Variants in TENM2 observed in about 807,000 individuals in gnomAD.
The protein encoded by TENM2 is teneurin transmembrane protein 2.
Under a neutral mutation model 245.2 loss-of-function variants are expected in TENM2, and 52 were observed. The ratio of observed to expected loss-of-function variants is 0.21; its 90% CI spans 0.17 to 0.27. The LOEUF (loss-of-function observed/expected upper bound fraction) is 0.27. TENM2 is among the 10% of genes least tolerant of loss of function. The pLI is 1.00. For synonymous variants in TENM2, 1,363 were observed against 1,438.9 expected, an observed-to-expected ratio of 0.95 and a Z score of 1.19; for missense variants, 3,046 against 3,666.8, an observed-to-expected ratio of 0.83 and a Z score of 4.37.
chr5:167,915,514 A>G (rs918238926), intron 3 of TENM2, among the ~76,000 whole-genome samples: 1 of 152,122 alleles, frequency 6.6e-6, no homozygotes, highest in African/African-American at 2.4e-5. Context: ...TTCAGCTGGC[A>G]TTGGCCTCTG....
In TENM2 at chr5:167,518,666, A is replaced by C. The variant is rs75129001; in HGVS notation, c.502+143193A>C. Among the ~76,000 whole-genome samples, 3 of 152,266 alleles carry C rather than the reference A, an allele frequency of 2.0e-5. No homozygotes were observed. In the East Asian group the frequency reaches 5.8e-4, roughly 29 times the overall value. On this transcript the variant is annotated intron_variant, in intron 2 of 28. Transcript: ENST00000518659. ...GCAGTATCATTTAATCATCAGTCCT[A>C]TTAACAACATGAAAACTGAGACTGA...
intron 2 of TENM2, among the ~76,000 whole-genome samples, chr5:167,707,713 AGTCTACCTTCT>A (rs1276999091): frequency 6.6e-6 from 1 of 152,210 alleles, no homozygotes; most frequent in Non-Finnish European, 1.5e-5. Flanking sequence ...AATCCTAGCA[AGTCTACCTTCT>A]GTATTTCATT....
At chr5:166,999,631 G>C in the TENM2 span, among the ~76,000 whole-genome samples, 3 of 152,258 alleles carry the variant, frequency 2.0e-5, no homozygotes, top group East Asian at 5.8e-4. Context: ...CTGGAAGTGG[G>C]AAGGAAAGGA....
At chr5:167,210,607 G>A in the TENM2 span, among the ~76,000 whole-genome samples, 1 of 151,596 alleles carries the variant, frequency 6.6e-6, no homozygotes, top group African/African-American at 2.4e-5. Context: ...GGGACTACAG[G>A]CGCCCGCCAC....
chr5:167,195,396 T>C, the TENM2 span, among the ~76,000 whole-genome samples: 2 of 152,086 alleles, frequency 1.3e-5, no homozygotes, highest in East Asian at 3.9e-4. Context: ...ATACTATAAG[T>C]CAGAAGTAGA....
chr5:167,481,218 A>G (rs1024582907), intron 2 of TENM2, among the ~76,000 whole-genome samples: 4 of 152,192 alleles, frequency 2.6e-5, no homozygotes, highest in African/African-American at 9.7e-5. Context: ...ATGTGTGCCT[A>G]CTTCTAGATC....
intron 2 of TENM2, among the ~76,000 whole-genome samples, chr5:167,596,491 A>G (rs115102740): frequency 0.033 from 5,059 of 152,266 alleles, 132 homozygotes; most frequent in South Asian, 0.046. Context: ...TTAATGGTAA[A>G]AAATAAAAAA....
At chr5:167,203,939 CAA>C in the TENM2 span, among the ~76,000 whole-genome samples, 1 of 151,518 alleles carries the variant, frequency 6.6e-6, no homozygotes, top group Non-Finnish European at 1.5e-5. Flanking sequence ...AGGATAGAAA[CAA>C]GAGGAGAGAG....
chr5:167,893,963 C>T (rs1177168298), intron 3 of TENM2, among the ~76,000 whole-genome samples: 3 of 152,138 alleles, frequency 2.0e-5, no homozygotes, highest in African/African-American at 7.2e-5. Flanking sequence ...GTCGTTTTTC[C>T]ATCCAAAGAT....
chr5:167,365,831 T>G (rs1581852834), intron 1 of TENM2, among the ~76,000 whole-genome samples: 2 of 152,040 alleles, frequency 1.3e-5, no homozygotes. Flanking sequence ...CAGTAAGAAA[T>G]TTCAATATGT....
At chr5:166,999,173 G>A in the TENM2 span, among the ~76,000 whole-genome samples, 1 of 152,252 alleles carries the variant, frequency 6.6e-6, no homozygotes, top group Non-Finnish European at 1.5e-5. Context: ...ACAGTTTTCT[G>A]AATAAAAGGT....
intron 2 of TENM2, among the ~76,000 whole-genome samples, chr5:167,431,753 T>C (rs1318570492): frequency 6.6e-6 from 1 of 151,730 alleles, no homozygotes; most frequent in Non-Finnish European, 1.5e-5. Flanking sequence ...TACCACCCAG[T>C]GTTTTTTAAA....
At chr5:167,138,766 GCA>G in the TENM2 span, among the ~76,000 whole-genome samples, 1 of 152,102 alleles carries the variant, frequency 6.6e-6, no homozygotes, top group Non-Finnish European at 1.5e-5. Context: ...GGGATTACAG[GCA>G]CCTGCCACCA....
At position 167,918,444 on chromosome 5, in the gene TENM2, A is replaced by G. The variant is rs562434223; in HGVS notation, c.713-34144A>G. ...CACGTCACCACCTGCACGTCTCCCT[A>G]TAAGCTCTTACCTGCCGAATTAGCA... On this transcript the variant is annotated intron_variant, in intron 3 of 28. Coordinates refer to ENST00000518659, the Ensembl canonical transcript of TENM2. 9.3e-4 allele frequency among the ~76,000 whole-genome samples: 142 copies of G among 152,316 alleles called. 1 individual carries two copies. Among genetic ancestry groups the G allele is most frequent in the African/African-American group, 3.4e-3 (140 of 41,562 alleles).
At chr5:167,602,188 T>C (rs531700918) in intron 2 of TENM2, among the ~76,000 whole-genome samples, 2 of 152,296 alleles carry the variant, frequency 1.3e-5, no homozygotes, top group South Asian at 4.1e-4. Context: ...CTGAGAATAA[T>C]AGAGCGTTTT....
intron 1 of TENM2, among the ~76,000 whole-genome samples, chr5:167,309,541 C>G (rs955301726): frequency 3.7e-4 from 57 of 152,160 alleles, no homozygotes; most frequent in African/African-American, 1.4e-3. Context: ...TGTCTGCAAA[C>G]AGCTGGAAAA....
chr5:167,557,790 ACAGT>A lies in TENM2; in HGVS notation c.502+182318_502+182321del, dbSNP rs1020679438. On this transcript the variant is annotated intron_variant, in intron 2 of 28. Coordinates refer to ENST00000518659, the Ensembl canonical transcript of TENM2. ...ATCCAGGGAGGCTGCTAAACATCAC[ACAGT>A]GCTCAGGACTGTCACCCACAAGAGA... Among the ~76,000 whole-genome samples, 5 of 152,306 alleles carry A rather than the reference ACAGT, an allele frequency of 3.3e-5. No homozygotes were observed. In the South Asian group the frequency reaches 8.3e-4, roughly 25 times the overall value.
At position 168,115,359 on chromosome 5, in the gene TENM2, G is replaced by A. The variant is rs904134576; in HGVS notation, c.1814-2933G>A. 2.5e-4 allele frequency among the ~76,000 whole-genome samples: 18 copies of A among 71,628 alleles called. No individual in the cohort carries two copies. The East Asian group carries it at 0.012, about 47-fold the overall frequency. 47.0% of individuals were successfully genotyped at this position (71,628 alleles called of 152,430 possible). ...GGAAGGAAGGAAAGGAGGGAAGGAA[G>A]GGAAGGAAGGAAGGAAGGAAGGAAG... On this transcript the variant is annotated intron_variant, in intron 9 of 28. Coordinates refer to ENST00000518659, the Ensembl canonical transcript of TENM2.
At chr5:167,989,850 G>T (rs1310459490) in intron 4 of TENM2, among the ~76,000 whole-genome samples, 1 of 152,172 alleles carries the variant, frequency 6.6e-6, no homozygotes, top group African/African-American at 2.4e-5. Flanking sequence ...TCTGAGTTTG[G>T]TTGTGACTTG....
Sources: allele counts gnomAD v4.1 joint callset (sites outside exome capture counted in the v4.1 genomes callset), GRCh38; gene constraint gnomAD v4.1.1; transcripts MANE v1.5; gene names NCBI Gene and HGNC (gene_info 2026-07-23, HGNC 2026-07-21).